Variants in C12orf42 observed in about 807,000 individuals in gnomAD.
C12orf42 encodes chromosome 12 open reading frame 42, also known as uncharacterized protein C12orf42.
In C12orf42, 25 loss-of-function variants were observed where a neutral mutation model predicts 21.6. The observed-to-expected ratio is 1.16, with a 90% CI of 0.84 to 1.62. The LOEUF is 1.62. C12orf42 is among the 40% of genes most tolerant of loss of function. The probability of loss-of-function intolerance (pLI) is 0.00; values close to 1 mark genes in which losing one functional copy is unlikely to be tolerated. For missense variants in C12orf42, 483 were observed against 459.3 expected, an observed-to-expected ratio of 1.05 and a Z score of -0.47; for synonymous variants, 174 against 175.0, an observed-to-expected ratio of 0.99 and a Z score of 0.05.
chr12:103,513,833 G>T, the C12orf42 span, among the ~76,000 whole-genome samples: 1 of 152,062 alleles, frequency 6.6e-6, no homozygotes, highest in South Asian at 2.1e-4. Flanking sequence ...TCTGGTGCAT[G>T]CATTTCAGTG....
At chr12:103,058,399 A>G in the C12orf42 span, among the ~76,000 whole-genome samples, 1 of 152,186 alleles carries the variant, frequency 6.6e-6, no homozygotes, top group Non-Finnish European at 1.5e-5. Context: ...GATAGCTTGC[A>G]AAAATTTTCT....
At chr12:103,212,192 T>A in the C12orf42 span, among the ~76,000 whole-genome samples, 1 of 152,204 alleles carries the variant, frequency 6.6e-6, no homozygotes, top group South Asian at 2.1e-4. Context: ...CCAAAATTAA[T>A]AATTATTCCT....
the C12orf42 span, among the ~76,000 whole-genome samples, chr12:103,101,867 GC>G: frequency 6.6e-6 from 1 of 152,192 alleles, no homozygotes; most frequent in Non-Finnish European, 1.5e-5. Flanking sequence ...GGCCTGCCTG[GC>G]CCAGAATAAG....
chr12:103,201,990 A>C, the C12orf42 span, among the ~76,000 whole-genome samples: 1 of 152,244 alleles, frequency 6.6e-6, no homozygotes, highest in South Asian at 2.1e-4. Flanking sequence ...TTATTTAAGA[A>C]TGTATTCTAA....
intron 5 of C12orf42, among the ~76,000 whole-genome samples, chr12:103,273,014 GCTAC>G (rs2035558910): frequency 6.6e-6 from 1 of 152,166 alleles, no homozygotes; most frequent in Admixed American, 6.5e-5. Context: ...TTATTTTTAT[GCTAC>G]CTGTGTGTTC....
the C12orf42 span, among the ~76,000 whole-genome samples, chr12:103,194,261 C>G: frequency 6.6e-6 from 1 of 152,040 alleles, no homozygotes; most frequent in African/African-American, 2.4e-5. Flanking sequence ...AAGATCAAAA[C>G]AAGGCAAAGA....
the C12orf42 span, among the ~76,000 whole-genome samples, chr12:103,160,104 T>C: frequency 6.6e-6 from 1 of 152,152 alleles, no homozygotes. Flanking sequence ...ATAATGAGCA[T>C]TGCGCTTTCC....
the C12orf42 span, among the ~76,000 whole-genome samples, chr12:103,105,776 A>G: frequency 6.5e-4 from 99 of 152,220 alleles, no homozygotes; most frequent in African/African-American, 2.3e-3. Flanking sequence ...CAAATTGACA[A>G]CAAATTCGGA....
chr12:103,336,874 A>G (rs556589227), intron 4 of C12orf42, among the ~76,000 whole-genome samples: 3 of 152,286 alleles, frequency 2.0e-5, no homozygotes, highest in South Asian at 4.2e-4. Context: ...CCTGAGAAGC[A>G]TAACAATAAC....
rs2047078238 is a variant in C12orf42, at chr12:103,391,508, T to A, written c.147+10099A>T. Among the ~76,000 whole-genome samples the A allele has an allele frequency of 2.6e-5, 4 of 152,146 alleles. No homozygotes were observed. The South Asian group carries it at 6.2e-4, about 24-fold the overall frequency. On this transcript the variant is annotated intron_variant, in intron 3 of 5. Transcript: ENST00000548883. Reference sequence around the variant, plus strand: ...TCATCGTGGTTTTGATTTACATTGCTCTAATGGTGTTGAACATCTTTTCAT... The same window carrying A: ...TCATCGTGGTTTTGATTTACATTGCACTAATGGTGTTGAACATCTTTTCAT...
At chr12:103,463,304 G>A (rs1335635575) in intron 2 of C12orf42, among the ~76,000 whole-genome samples, 1 of 152,140 alleles carries the variant, frequency 6.6e-6, no homozygotes, top group Non-Finnish European at 1.5e-5. Flanking sequence ...TTGTGACCAT[G>A]TGACACATCA....
At chr12:103,531,345 C>G in the C12orf42 span, among the ~76,000 whole-genome samples, 1 of 152,082 alleles carries the variant, frequency 6.6e-6, no homozygotes, top group Non-Finnish European at 1.5e-5. Context: ...AAAAAGGGTC[C>G]TAAAATTGTG....
In C12orf42 at chr12:103,302,414, G is replaced by A; in HGVS notation, c.777C>T (p.Asp259=). 1 of 1,613,898 alleles carries A rather than the reference G, an allele frequency of 6.2e-7. No homozygotes were observed. Among genetic ancestry groups the A allele is most frequent in the South Asian group, 1.1e-5 (1 of 91,076 alleles). Residue 259 remains aspartate (D), a synonymous_variant, in exon 6 of 6, where the codon GAC becomes GAT. Transcript: ENST00000548883. ...AVPAGAQAHP[D]DIQSRLLGAS... ...CGCCCAGGAGTCTGCTTTGGATGTC[G>A]TCGGGGTGTGCCTGAGCGCCTGCTG...
Position 103,302,009 on chromosome 12 carries a change from G to C in C12orf42, c.*99C>G, listed in dbSNP as rs972272956. 1.8e-5 allele frequency: 23 copies of C among 1,310,542 alleles called. No individual in the cohort carries two copies. Among genetic ancestry groups the C allele is most frequent in the Non-Finnish European group, 2.2e-5 (21 of 948,272 alleles). The allele number at this position is 1,310,542 out of a possible 1,614,324, so 81.2% of individuals were successfully genotyped here. ...AATGCTTCACAAAAGCCTAACAATG[G>C]TTCTGTGGAAACCAGTACATCTGAG... On this transcript the variant is annotated 3_prime_UTR_variant, in exon 6 of 6. Transcript: ENST00000548883.
intron 10 of C12orf42, among the ~76,000 whole-genome samples, chr12:103,261,818 A>G (rs1277477488): frequency 6.6e-6 from 1 of 152,200 alleles, no homozygotes; most frequent in Non-Finnish European, 1.5e-5. Flanking sequence ...ATAGAATTTT[A>G]CCATTAGAAG....
chr12:103,507,612 G>A, the C12orf42 span, among the ~76,000 whole-genome samples: 6 of 151,080 alleles, frequency 4.0e-5, no homozygotes, highest in Admixed American at 4.0e-4. Flanking sequence ...CCAGGAGTTT[G>A]AGGCTGCAGT....
chr12:103,253,693 G>C (rs1053372604), intron 10 of C12orf42, among the ~76,000 whole-genome samples: 1 of 152,036 alleles, frequency 6.6e-6, no homozygotes, highest in African/African-American at 2.4e-5. Context: ...AGTTTTTAAA[G>C]TAAACTTTCA....
chr12:103,051,343 A>C, the C12orf42 span, among the ~76,000 whole-genome samples: 93 of 152,248 alleles, frequency 6.1e-4, no homozygotes, highest in African/African-American at 2.1e-3. Flanking sequence ...TTAGAAGGAG[A>C]GTATATAAGC....
chr12:103,446,978 C>A (rs1856417187), intron 2 of C12orf42, among the ~76,000 whole-genome samples: 4 of 151,950 alleles, frequency 2.6e-5, no homozygotes, highest in Admixed American at 2.6e-4. Flanking sequence ...AACAAAGAAA[C>A]AATGGACTTA....
Sources: gnomAD v4.1 joint callset for allele counts (sites outside exome capture counted in the v4.1 genomes callset) on GRCh38, gnomAD v4.1.1 for gene constraint, MANE v1.5 for transcripts, NCBI Gene and HGNC (gene_info 2026-07-23, HGNC 2026-07-21) for gene names.